NXPE2: variants seen among roughly 807,000 people sequenced by gnomAD.
NXPE2 encodes neurexophilin and PC-esterase domain family member 2.
NXPE2 carries 34 observed loss-of-function variants against 34.4 expected under a neutral mutation model. That is an observed-to-expected ratio of 0.99 (90% CI 0.75 to 1.31). The LOEUF (loss-of-function observed/expected upper bound fraction) is 1.31. Ranked by LOEUF, NXPE2 falls within the 40% of genes most tolerant of loss-of-function variation. The probability of loss-of-function intolerance (pLI) is 0.00; values close to 1 mark genes in which losing one functional copy is unlikely to be tolerated. For missense variants in NXPE2, 649 were observed against 672.5 expected, an observed-to-expected ratio of 0.97 and a Z score of 0.39; for synonymous variants, 235 against 231.3, an observed-to-expected ratio of 1.02 and a Z score of -0.15.
At chr11:114,772,314 C>T in the NXPE2 span, among the ~76,000 whole-genome samples, 4 of 151,938 alleles carry the variant, frequency 2.6e-5, no homozygotes, top group Admixed American at 2.6e-4. Context: ...TTAGTACAGA[C>T]TCTGATTGGA....
At chr11:114,638,481 C>T in the NXPE2 span, among the ~76,000 whole-genome samples, 64 of 152,134 alleles carry the variant, frequency 4.2e-4, no homozygotes, top group Middle Eastern at 6.8e-3. Flanking sequence ...AGTCATTCTC[C>T]GTCCAACTTT....
chr11:114,776,225 C>T, the NXPE2 span, among the ~76,000 whole-genome samples: 2 of 152,316 alleles, frequency 1.3e-5, no homozygotes, highest in East Asian at 3.9e-4. Flanking sequence ...CCCCCGTGTC[C>T]GGGCACAGGA....
chr11:114,588,970 A>C, the NXPE2 span, among the ~76,000 whole-genome samples: 8 of 152,182 alleles, frequency 5.3e-5, no homozygotes, highest in African/African-American at 1.7e-4. Flanking sequence ...AGTCTTTTAT[A>C]GTAGGGACCA....
At chr11:114,648,192 G>A in the NXPE2 span, among the ~76,000 whole-genome samples, 4 of 152,152 alleles carry the variant, frequency 2.6e-5, no homozygotes, top group African/African-American at 9.6e-5. Flanking sequence ...TGCTAGTGAA[G>A]TGATTCAGGG....
the NXPE2 span, among the ~76,000 whole-genome samples, chr11:114,748,657 C>T: frequency 1.3e-5 from 2 of 152,152 alleles, no homozygotes; most frequent in African/African-American, 2.4e-5. Flanking sequence ...ATCACATAAG[C>T]GATCCTGTGT....
At chr11:114,484,786 T>A in the NXPE2 span, among the ~76,000 whole-genome samples, 16 of 152,220 alleles carry the variant, frequency 1.1e-4, no homozygotes, top group African/African-American at 3.9e-4. Flanking sequence ...GAAATTTATA[T>A]CACTTTAGTC....
the NXPE2 span, among the ~76,000 whole-genome samples, chr11:114,644,144 G>A: frequency 6.6e-6 from 1 of 152,134 alleles, no homozygotes; most frequent in Admixed American, 6.5e-5. Flanking sequence ...ATCAGCTTAA[G>A]GAGATTTTGG....
At chr11:114,471,399 C>T in the NXPE2 span, among the ~76,000 whole-genome samples, 1 of 151,972 alleles carries the variant, frequency 6.6e-6, no homozygotes, top group Admixed American at 6.6e-5. Flanking sequence ...TAGTTTTTTA[C>T]AGATCAAGTA....
At chr11:114,494,466 T>C in the NXPE2 span, among the ~76,000 whole-genome samples, 1 of 152,196 alleles carries the variant, frequency 6.6e-6, no homozygotes, top group South Asian at 2.1e-4. Flanking sequence ...TTCTTCTCCT[T>C]GATCATTTTG....
chr11:114,773,275 T>TCCCCCCCCCCCCCCCCCCCCCC, the NXPE2 span, among the ~76,000 whole-genome samples: 4 of 38,412 alleles, frequency 1.0e-4, no homozygotes, highest in Admixed American at 2.8e-4. Flanking sequence ...CACAACCCAC[T>TCCCCCCCCCCCCCCCCCCCCCC]CCCACCCCCC....
At chr11:114,720,613 C>A in the NXPE2 span, among the ~76,000 whole-genome samples, 1 of 121,586 alleles carries the variant, frequency 8.2e-6, no homozygotes, top group African/African-American at 2.8e-5. Flanking sequence ...AAAGTGATCA[C>A]CAGATTTCAA....
chr11:114,678,598 A>C lies in NXPE2; in HGVS notation c.23A>C (p.His8Pro), dbSNP rs932506854. 1.3e-5 allele frequency: 20 copies of C among 1,548,844 alleles called. No homozygotes were observed. Among genetic ancestry groups the C allele is most frequent in the Non-Finnish European group, 1.7e-5 (20 of 1,144,348 alleles). ...AAGATGGTGGAGAAAATACTCATCC[A>C]TAGGTGTGGTACTTTCCAACTCTTA... MVEKILI[H>P]RILTLFPNAI... The change falls in exon 1 of 6, where the codon CAT becomes CCT. Residue 8 changes from histidine (H) to proline (P), a missense_variant. Physicochemically the swap from His to Pro is moderately conservative, Grantham distance 77 (BLOSUM62 -2). Transcript: ENST00000389586.
chr11:114,786,759 C>T, the NXPE2 span, among the ~76,000 whole-genome samples: 2 of 152,054 alleles, frequency 1.3e-5, no homozygotes, highest in African/African-American at 2.4e-5. Context: ...CAACCCACAC[C>T]TACCCCTCAC....
At chr11:114,511,739 G>GT in the NXPE2 span, among the ~76,000 whole-genome samples, 2 of 152,204 alleles carry the variant, frequency 1.3e-5, no homozygotes, top group Admixed American at 6.5e-5. Context: ...CACGAATGGC[G>GT]TGGTGCCCTC....
the NXPE2 span, among the ~76,000 whole-genome samples, chr11:114,658,787 T>C: frequency 6.6e-6 from 1 of 152,102 alleles, no homozygotes; most frequent in African/African-American, 2.4e-5. Flanking sequence ...AGAAGGCCTT[T>C]CCCTAACCCT....
At chr11:114,740,098 G>T in the NXPE2 span, among the ~76,000 whole-genome samples, 55 of 152,064 alleles carry the variant, frequency 3.6e-4, no homozygotes, top group African/African-American at 1.3e-3. Flanking sequence ...ATATAAATTA[G>T]ACCGTGTAAG....
At chr11:114,578,351 A>G in the NXPE2 span, among the ~76,000 whole-genome samples, 3 of 152,196 alleles carry the variant, frequency 2.0e-5, no homozygotes, top group Non-Finnish European at 4.4e-5. Context: ...TTCTATGACA[A>G]ATTAAAAGAT....
the NXPE2 span, chr11:114,571,276 TAA>T: frequency 6.2e-7 from 1 of 1,613,808 alleles, no homozygotes; most frequent in African/African-American, 1.3e-5. Flanking sequence ...CCCAGGGAAA[TAA>T]CAATGACAGT....
At chr11:114,538,013 A>G in the NXPE2 span, among the ~76,000 whole-genome samples, 1 of 152,240 alleles carries the variant, frequency 6.6e-6, no homozygotes, top group Admixed American at 6.5e-5. Flanking sequence ...GCATCCCGCT[A>G]CCTGACTTCA....
Sources: allele counts gnomAD v4.1 joint callset (sites outside exome capture counted in the v4.1 genomes callset), GRCh38; gene constraint gnomAD v4.1.1; transcripts MANE v1.5; gene names NCBI Gene and HGNC (gene_info 2026-07-23, HGNC 2026-07-21).